Variants in ALK observed in about 807,000 individuals in gnomAD.
ALK encodes ALK tyrosine kinase receptor.
ALK carries 74 observed loss-of-function variants against 163.1 expected under a neutral mutation model. The observed-to-expected ratio is 0.45, with a 90% CI of 0.38 to 0.55. ALK has a LOEUF of 0.55. Ranked by LOEUF, ALK falls within the 20% of genes least tolerant of loss-of-function variation. The pLI is 0.00. For missense variants in ALK, 2,063 were observed against 2,105.3 expected (o/e 0.98, Z 0.39); for synonymous variants, 960 against 843.2 (o/e 1.14, Z -2.40).
intron 5 of ALK, among the ~76,000 whole-genome samples, chr2:29,367,115 T>C (rs1668527071): frequency 6.6e-6 from 1 of 152,182 alleles, no homozygotes; most frequent in Non-Finnish European, 1.5e-5. Context: ...ATAATTTATC[T>C]GGATGCCATG....
chr2:29,779,173 C>CA (rs1022861044), intron 1 of ALK, among the ~76,000 whole-genome samples: 8 of 151,232 alleles, frequency 5.3e-5, no homozygotes, highest in East Asian at 1.9e-4. Context: ...AACAAAAAAA[C>CA]AAAAAAAAGA....
At chr2:29,666,093 C>A (rs1197503788) in intron 3 of ALK, among the ~76,000 whole-genome samples, 3 of 152,058 alleles carry the variant, frequency 2.0e-5, no homozygotes, top group Non-Finnish European at 2.9e-5. Context: ...TCATGAGACA[C>A]TATAAAATCT....
chr2:29,905,883 C>T (rs1667533097), intron 1 of ALK, among the ~76,000 whole-genome samples: 1 of 152,180 alleles, frequency 6.6e-6, no homozygotes, highest in Admixed American at 6.5e-5. Context: ...ATTGAGACCG[C>T]TGTCTGGCCC....
chr2:29,813,182 A>G (rs1664800251), intron 1 of ALK, among the ~76,000 whole-genome samples: 1 of 152,210 alleles, frequency 6.6e-6, no homozygotes, highest in Non-Finnish European at 1.5e-5. Context: ...GACAGAGTAC[A>G]GCACATTCAT....
At chr2:29,571,894 G>A (rs533816327) in intron 3 of ALK, among the ~76,000 whole-genome samples, 18 of 152,192 alleles carry the variant, frequency 1.2e-4, no homozygotes, top group African/African-American at 4.3e-4. Flanking sequence ...GATTACAGGT[G>A]TGAACTAGAG....
chr2:29,754,975 C>T (rs1303877368), intron 1 of ALK, among the ~76,000 whole-genome samples: 1 of 152,150 alleles, frequency 6.6e-6, no homozygotes, highest in African/African-American at 2.4e-5. Flanking sequence ...TGGGAAGCCT[C>T]TTCTGGAAGA....
At chr2:29,779,955 G>C (rs1681288081) in intron 1 of ALK, among the ~76,000 whole-genome samples, 2 of 152,184 alleles carry the variant, frequency 1.3e-5, no homozygotes, top group African/African-American at 4.8e-5. Flanking sequence ...CCAGGAAACT[G>C]TCTTACATTT....
intron 3 of ALK, among the ~76,000 whole-genome samples, chr2:29,609,543 C>T (rs1447316675): frequency 6.6e-6 from 1 of 152,166 alleles, no homozygotes; most frequent in Non-Finnish European, 1.5e-5. Context: ...TCTCAAATGG[C>T]ATATTGTCTC....
chr2:29,540,592 T>TA (rs76226915), intron 3 of ALK, among the ~76,000 whole-genome samples: 2,399 of 143,032 alleles, frequency 0.017, 67 homozygotes, highest in African/African-American at 0.058. Flanking sequence ...TTTTTTTTTT[T>TA]AAAAAAAAAA....
At chr2:29,781,333 C>G (rs1204426729) in intron 1 of ALK, among the ~76,000 whole-genome samples, 1 of 152,202 alleles carries the variant, frequency 6.6e-6, no homozygotes, top group African/African-American at 2.4e-5. Context: ...ACACAAATCT[C>G]TGTATTCCAG....
intron 3 of ALK, among the ~76,000 whole-genome samples, chr2:29,562,650 A>T (rs10182532): frequency 0.18 from 27,762 of 152,188 alleles, 3,093 homozygotes; most frequent in African/African-American, 0.29. Context: ...AAAATCTGAA[A>T]CTTCTCATCC....
At chr2:29,693,753 G>A (rs934742003) in intron 3 of ALK, among the ~76,000 whole-genome samples, 1 of 152,150 alleles carries the variant, frequency 6.6e-6, no homozygotes, top group Non-Finnish European at 1.5e-5. Flanking sequence ...GCAGGCTCTG[G>A]TCCTGGTCTT....
At chr2:29,501,673 T>C (rs1021643448) in intron 4 of ALK, among the ~76,000 whole-genome samples, 1 of 152,232 alleles carries the variant, frequency 6.6e-6, no homozygotes, top group African/African-American at 2.4e-5. Flanking sequence ...GAAAACATTT[T>C]TTTTTATTGT....
chr2:29,391,995 G>A lies in ALK; in HGVS notation c.1155-8136C>T, dbSNP rs1177321827. 3.3e-5 allele frequency among the ~76,000 whole-genome samples: 5 copies of A among 152,070 alleles called. No homozygotes were observed. The East Asian group carries it at 7.8e-4, about 24-fold the overall frequency. ...ATGGGTTGAGATATGTGGGCATGTA[G>A]TTTGCACTCAATAAGCATTAGCGGA... On this transcript the variant is annotated intron_variant, in intron 4 of 28. Coordinates refer to ENST00000389048, the MANE Select transcript of ALK (RefSeq NM_004304.5).
intron 5 of ALK, among the ~76,000 whole-genome samples, chr2:29,353,648 C>T (rs1223913956): frequency 6.6e-6 from 1 of 151,778 alleles, no homozygotes; most frequent in African/African-American, 2.4e-5. Flanking sequence ...TTGTGTTGAA[C>T]TGTAAATGAC....
intron 1 of ALK, among the ~76,000 whole-genome samples, chr2:29,752,178 CTTTT>C (rs1004579884): frequency 3.3e-5 from 5 of 151,074 alleles, no homozygotes; most frequent in South Asian, 4.2e-4. Context: ...TAAATTTTGC[CTTTT>C]TTTGTTTATT....
chr2:29,281,127 A>G (rs1665707845), intron 9 of ALK, among the ~76,000 whole-genome samples: 1 of 152,148 alleles, frequency 6.6e-6, no homozygotes, highest in African/African-American at 2.4e-5. Flanking sequence ...CATGTAGACC[A>G]CTCTGGGACT....
chr2:29,920,331 C>A lies in ALK; in HGVS notation c.329G>T (p.Trp110Leu). 6.4e-7 allele frequency: 1 copy of A among 1,552,808 alleles called. No homozygotes were observed. Among genetic ancestry groups the A allele is most frequent in the Non-Finnish European group, 8.7e-7 (1 of 1,149,684 alleles). The change falls in exon 1 of 29, where the codon TGG becomes TTG. Residue 110 changes from tryptophan (W) to leucine (L), a missense_variant. Transcript: ENST00000389048. The part of the protein sequence containing the change: ...RLLGPAPGVS[W>L]TAGSPAPAEA... ...TGCCGGGGCTGGTGAACCGGCGGTC[C>A]AGGAGACCCCCGGCGCCGGCCCCAG...
At chr2:29,528,562 G>A (rs1673023863) in intron 4 of ALK, among the ~76,000 whole-genome samples, 1 of 152,078 alleles carries the variant, frequency 6.6e-6, no homozygotes, top group South Asian at 2.1e-4. Context: ...TGGACTAGAT[G>A]TTCCTTGAAA....
Sources: gnomAD v4.1 joint callset for allele counts (sites outside exome capture counted in the v4.1 genomes callset) on GRCh38, gnomAD v4.1.1 for gene constraint, MANE v1.5 for transcripts, NCBI Gene and HGNC (gene_info 2026-07-23, HGNC 2026-07-21) for gene names.